Variants in CRB1 observed in about 807,000 individuals in gnomAD.
CRB1 encodes crumbs cell polarity complex component 1, also known as protein crumbs homolog 1.
A neutral mutation model predicts 120.0 loss-of-function variants in CRB1; 83 were observed. The ratio of observed to expected loss-of-function variants is 0.69; its 90% CI spans 0.58 to 0.83. The LOEUF is 0.83. Ranked by LOEUF, CRB1 falls within the 40% of genes least tolerant of loss-of-function variation. The probability of loss-of-function intolerance (pLI) is 0.00; values close to 1 mark genes in which losing one functional copy is unlikely to be tolerated. For missense variants in CRB1, 1,699 were observed against 1,687.6 expected (o/e 1.01, Z -0.12); for synonymous variants, 625 against 612.5 (o/e 1.02, Z -0.30).
At chr1:197,426,761 A>G (rs1664603136) in intron 6 of CRB1, among the ~76,000 whole-genome samples, 1 of 152,114 alleles carries the variant, frequency 6.6e-6, no homozygotes, top group Non-Finnish European at 1.5e-5. Flanking sequence ...TTCCTTGTTC[A>G]ACTGCCTTGC....
At chr1:197,397,220 T>C (rs780239656) in intron 5 of CRB1, among the ~76,000 whole-genome samples, 19 of 152,104 alleles carry the variant, frequency 1.2e-4, no homozygotes, top group Non-Finnish European at 2.5e-4. Context: ...ACATGAGATA[T>C]CACTATGCAA....
At chr1:197,285,088 G>A (rs1055834588) in intron 1 of CRB1, among the ~76,000 whole-genome samples, 9 of 151,830 alleles carry the variant, frequency 5.9e-5, no homozygotes, top group African/African-American at 1.5e-4. Context: ...GTGTGAGTTG[G>A]TCATTAAACT....
chr1:197,401,776 C>G (rs1200514395), intron 5 of CRB1, among the ~76,000 whole-genome samples: 1 of 152,096 alleles, frequency 6.6e-6, no homozygotes, highest in Non-Finnish European at 1.5e-5. Context: ...TTAGGCTATG[C>G]ACTTATCATA....
chr1:197,227,413 G>A, the CRB1 span, among the ~76,000 whole-genome samples: 1 of 140,642 alleles, frequency 7.1e-6, no homozygotes, highest in South Asian at 2.2e-4. Context: ...TTTTTTTTGA[G>A]ATGGAGTCTC....
At chr1:197,442,397 G>C (rs1186249089) in intron 11 of CRB1, 105 bp downstream of exon 11, 2 of 1,605,392 alleles carry the variant, frequency 1.2e-6, no homozygotes, top group South Asian at 2.2e-5. Context: ...TTGTTGAGTG[G>C]GGTGAACAGG....
chr1:197,293,579 A>C (rs182887701), intron 1 of CRB1, among the ~76,000 whole-genome samples: 522 of 152,200 alleles, frequency 3.4e-3, no homozygotes, highest in Middle Eastern at 0.014. Context: ...GTTCATATGG[A>C]ACCAGAAAAG....
chr1:197,223,322 A>ATTGTGGTTTAAAGTAGATAGCATACT, the CRB1 span: 1 of 620,742 alleles, frequency 1.6e-6, no homozygotes, highest in Non-Finnish European at 2.9e-6. Flanking sequence ...TATATCATAC[A>ATTGTGGTTTAAAGTAGATAGCATACT]TTGTGGTTTA....
intron 5 of CRB1, among the ~76,000 whole-genome samples, chr1:197,368,810 A>G (rs1234959613): frequency 3.9e-5 from 6 of 152,230 alleles, no homozygotes; most frequent in Non-Finnish European, 7.3e-5. Context: ...AATACGTATT[A>G]GAAAAAATTT....
chr1:197,414,024 C>T (rs148429379), intron 5 of CRB1: 145 of 444,648 alleles, frequency 3.3e-4, no homozygotes, highest in African/African-American at 2.2e-3. Context: ...TTCTTATATA[C>T]GCTAATTTGC....
chr1:197,442,134 C>T (rs1269269700), intron 10 of CRB1, 32 bp from the exon 11 acceptor site: 7 of 1,613,876 alleles, frequency 4.3e-6, no homozygotes, highest in Non-Finnish European at 5.9e-6. Flanking sequence ...TCAACAGGGA[C>T]CTGGGTTTCT....
At chr1:197,339,401 T>C (rs1659331881) in intron 2 of CRB1, among the ~76,000 whole-genome samples, 1 of 152,228 alleles carries the variant, frequency 6.6e-6, no homozygotes, top group Non-Finnish European at 1.5e-5. Context: ...ACTGTTGTAC[T>C]TGATATACAT....
intron 8 of CRB1, among the ~76,000 whole-genome samples, chr1:197,430,701 T>C (rs1664829747): frequency 1.3e-5 from 2 of 152,164 alleles, no homozygotes; most frequent in South Asian, 4.1e-4. Context: ...TATTGTTCCT[T>C]GATATTTTGT....
rs1571540373 is a variant in CRB1, at chr1:197,427,857, T to C, written c.2532T>C (p.Asn844=). 6.2e-7 allele frequency: 1 copy of C among 1,614,076 alleles called. No individual in the cohort carries two copies. Among genetic ancestry groups the C allele is most frequent in the Non-Finnish European group, 8.5e-7 (1 of 1,179,996 alleles). The change falls in exon 7 of 12, where the codon AAT becomes AAC. Residue 844 remains asparagine (N), a synonymous_variant. Transcript: ENST00000367400. ...GLPDKQETEL[N]GGFFKGCIQD... The stretch of plus-strand genomic sequence containing the variant: ...CTGACAAGCAAGAGACTGAACTTAA[T>C]GGTGGATTCTTCAAAGGCTGTATCC...
At chr1:197,376,819 T>C (rs1479321402) in intron 5 of CRB1, among the ~76,000 whole-genome samples, 1 of 152,170 alleles carries the variant, frequency 6.6e-6, no homozygotes, top group Non-Finnish European at 1.5e-5. Context: ...ATGTTCTCAA[T>C]AAAACTTGTA....
intron 5 of CRB1, among the ~76,000 whole-genome samples, chr1:197,410,304 A>G (rs527836989): frequency 1.3e-5 from 2 of 152,328 alleles, no homozygotes; most frequent in African/African-American, 4.8e-5. Context: ...AAACTTCGCC[A>G]TCTCCAGTTT....
the CRB1 span, among the ~76,000 whole-genome samples, chr1:197,250,482 T>G: frequency 6.6e-6 from 1 of 152,032 alleles, no homozygotes; most frequent in Non-Finnish European, 1.5e-5. Context: ...TCCCTTCCTG[T>G]CTGCTTTCAT....
the CRB1 span, among the ~76,000 whole-genome samples, chr1:197,208,423 G>T: frequency 6.6e-6 from 1 of 152,104 alleles, no homozygotes; most frequent in African/African-American, 2.4e-5. Flanking sequence ...CTCCCTTATT[G>T]TGGTGCTCTC....
chr1:197,282,618 A>G (rs988219488), intron 1 of CRB1, among the ~76,000 whole-genome samples: 3 of 152,086 alleles, frequency 2.0e-5, no homozygotes, highest in Non-Finnish European at 2.9e-5. Flanking sequence ...TCAAAAGTAA[A>G]TTAAAGCAAT....
the CRB1 span, among the ~76,000 whole-genome samples, chr1:197,244,421 T>A: frequency 6.6e-6 from 1 of 151,996 alleles, no homozygotes; most frequent in Non-Finnish European, 1.5e-5. Flanking sequence ...CTTAAAATAT[T>A]TTTTTTTCTG....
Sources: gnomAD v4.1 joint callset for allele counts (sites outside exome capture counted in the v4.1 genomes callset) on GRCh38, gnomAD v4.1.1 for gene constraint, MANE v1.5 for transcripts, NCBI Gene and HGNC (gene_info 2026-07-23, HGNC 2026-07-21) for gene names.